LYPD1: variants seen among roughly 807,000 people sequenced by gnomAD.
LYPD1 encodes the protein LY6/PLAUR domain containing 1.
A neutral mutation model predicts 14.2 loss-of-function variants in LYPD1; 14 were observed. The ratio of observed to expected loss-of-function variants is 0.99; its 90% CI spans 0.65 to 1.54. The LOEUF (loss-of-function observed/expected upper bound fraction) is 1.54, where lower values mean the gene tolerates loss of function less well. LYPD1 is among the 40% of genes most tolerant of loss of function. LYPD1 has a pLI of 0.00. For synonymous variants in LYPD1, 85 were observed against 70.6 expected, an observed-to-expected ratio of 1.20 and a Z score of -1.02; for missense variants, 165 against 175.7, an observed-to-expected ratio of 0.94 and a Z score of 0.34.
rs1417100019 is a variant in LYPD1 at position 132,644,173 on chromosome 2, A to G, written c.*1872T>C. ...TGTTTGTGGTCTATGTAGCATCTTT[A>G]TCTCTGTCAGTCAGAATTGCAGAAC... On this transcript the variant is annotated 3_prime_UTR_variant, in exon 3 of 3. Coordinates refer to ENST00000397463, the MANE Select transcript of LYPD1 (RefSeq NM_144586.7). Among the ~76,000 whole-genome samples, 6 of 152,178 alleles carry G rather than the reference A, an allele frequency of 3.9e-5. No homozygotes were observed. Among genetic ancestry groups the G allele is most frequent in the Admixed American group, 3.9e-4 (6 of 15,278 alleles).
At position 132,645,427 on chromosome 2, in the gene LYPD1, G is replaced by A. The variant is rs762428876; in HGVS notation, c.*618C>T. The A allele has an allele frequency of 6.2e-6, 10 of 1,613,402 alleles. No individual in the cohort carries two copies. Among genetic ancestry groups the A allele is most frequent in the African/African-American group, 1.3e-5 (1 of 75,030 alleles). The stretch of plus-strand genomic sequence containing the variant: ...CTTTGTGCAGCGCCCGTTGCTCTTC[G>A]CGTCCCGGCGCCAGTCCTCTGCAAG... On this transcript the variant is annotated 3_prime_UTR_variant, in exon 3 of 3. Coordinates refer to ENST00000397463, the MANE Select transcript of LYPD1 (RefSeq NM_144586.7).
chr2:132,653,800 G>A (rs1682442351), intron 2 of LYPD1, among the ~76,000 whole-genome samples: 1 of 152,160 alleles, frequency 6.6e-6, no homozygotes, highest in African/African-American at 2.4e-5. Context: ...CACTGAGAAG[G>A]GTGCATCTCT....
intron 2 of LYPD1, chr2:132,667,054 C>T (rs906973461): frequency 1.3e-5 from 2 of 152,140 alleles, no homozygotes; most frequent in East Asian, 1.9e-4. Context: ...TCAGGTAAAA[C>T]GTAGGAAAGA....
Position 132,646,128 on chromosome 2 carries a change from C to G in LYPD1, c.343G>C (p.Gly115Arg), listed in dbSNP as rs749762463. The part of the protein sequence containing the change: ...LCNGPRPKKR[G>R]SSASALRPGL... ...GGCCTGAGGGCCGAGGCAGAACTTCCCCTTTTCTTGGGCCTTGGCCCGTTA... is the reference window on the plus strand; with the variant it reads ...GGCCTGAGGGCCGAGGCAGAACTTCGCCTTTTCTTGGGCCTTGGCCCGTTA... The change falls in exon 3 of 3, where the codon GGA becomes CGA. Residue 115 changes from glycine to arginine, a missense_variant. Transcript: ENST00000397463. The G allele has an allele frequency of 4.3e-6, 7 of 1,610,268 alleles. No individual in the cohort carries two copies. The highest frequency in any genetic ancestry group is 5.1e-6 in the Non-Finnish European group (6 of 1,178,006).
intron 2 of LYPD1, chr2:132,666,540 G>C (rs985052816): frequency 6.6e-6 from 1 of 152,170 alleles, no homozygotes; most frequent in Non-Finnish European, 1.5e-5. Flanking sequence ...GAGGGGCCTG[G>C]TTTGGAGACA....
chr2:132,649,493 T>A (rs13028563), intron 2 of LYPD1, among the ~76,000 whole-genome samples: 60,643 of 151,986 alleles, frequency 0.4, 14,065 homozygotes, highest in South Asian at 0.57. Context: ...GGAACGGAGG[T>A]GCAGGGACAA....
rs1224717806 is a variant in LYPD1 at position 132,644,512 on chromosome 2, T to C, written c.*1533A>G. Among the ~76,000 whole-genome samples, 20 of 152,278 alleles carry C rather than the reference T, an allele frequency of 1.3e-4. No individual in the cohort carries two copies. The highest frequency in any genetic ancestry group is 5.9e-5 in the Non-Finnish European group (4 of 68,050). On this transcript the variant is annotated 3_prime_UTR_variant, in exon 3 of 3. Coordinates refer to ENST00000397463, the MANE Select transcript of LYPD1 (RefSeq NM_144586.7). ...TGATTATAGGTGTGCATACCTAGTA[T>C]GTATATGTCCAAAAAACATTCTTGG...
At position 132,668,666 on chromosome 2, in the gene LYPD1, C is replaced by A. The variant is rs1242614549; in HGVS notation, c.53-129G>T. 7.6e-6 allele frequency: 10 copies of A among 1,318,974 alleles called. No individual in the cohort carries two copies. The African/African-American group carries it at 1.2e-4, about 16-fold the overall frequency. 81.7% of individuals were successfully genotyped at this position (1,318,974 alleles called of 1,614,324 possible). A position where few individuals can be genotyped will look rare whatever the true frequency, so the allele number is the denominator to read the frequency against. On this transcript the variant is annotated intron_variant, in intron 1 of 2. Transcript: ENST00000397463. ...CAGGCTTAGACCACTCCTGGGTCTC[C>A]GGGTAGGGCTGGATGTGGCTGACAC...
intron 2 of LYPD1, among the ~76,000 whole-genome samples, chr2:132,650,659 G>C (rs950802047): frequency 6.6e-6 from 1 of 150,730 alleles, no homozygotes; most frequent in Admixed American, 6.6e-5. Flanking sequence ...ACAAAGCAAA[G>C]TATGTCTGGA....
At chr2:132,646,599 C>G in intron 2 of LYPD1, 1 of 244,550 alleles carries the variant, frequency 4.1e-6, no homozygotes, top group Admixed American at 5.6e-5. Flanking sequence ...GTACAAGACA[C>G]AGCTTTTTAT....
At position 132,670,189 on chromosome 2, in the gene LYPD1, G is replaced by A; in HGVS notation, c.-257C>T. The A allele has an allele frequency of 7.9e-7, 1 of 1,262,908 alleles. No homozygotes were observed. The highest frequency in any genetic ancestry group is 1.0e-6 in the Non-Finnish European group (1 of 982,712). The allele number at this position is 1,262,908 out of a possible 1,614,324, so 78.2% of individuals were successfully genotyped here. A position where few individuals can be genotyped will look rare whatever the true frequency, so the allele number is the denominator to read the frequency against. ...GCCGAGCACCGCGCCTCCGGAGTTGGCGGCTGAGACTGAAGGAACTACTGG... is the reference window on the plus strand; with the variant it reads ...GCCGAGCACCGCGCCTCCGGAGTTGACGGCTGAGACTGAAGGAACTACTGG... On this transcript the variant is annotated 5_prime_UTR_variant, in exon 1 of 3. Coordinates refer to ENST00000397463, the MANE Select transcript of LYPD1 (RefSeq NM_144586.7). The surrounding 1 kb of genome is among the most constrained non-coding windows in gnomAD (Gnocchi z 4.5).
intron 2 of LYPD1, among the ~76,000 whole-genome samples, chr2:132,649,917 T>C (rs772987670): frequency 6.6e-6 from 1 of 152,068 alleles, no homozygotes; most frequent in Non-Finnish European, 1.5e-5. Flanking sequence ...GGCTATTCTA[T>C]GACATAACAC....
chr2:132,663,254 AAT>A (rs1311336044), intron 2 of LYPD1: 1 of 152,106 alleles, frequency 6.6e-6, no homozygotes, highest in African/African-American at 2.4e-5. Context: ...TTGATATCCA[AAT>A]ATGTTTTAAA....
intron 2 of LYPD1, among the ~76,000 whole-genome samples, chr2:132,654,260 G>T (rs1428849123): frequency 2.0e-5 from 3 of 152,030 alleles, no homozygotes; most frequent in Non-Finnish European, 2.9e-5. Context: ...TATCAGCTGG[G>T]CATGGTGGCG....
rs752561540 is a variant in LYPD1 at position 132,668,391 on chromosome 2, G to T, written c.190+9C>A. 1.4e-4 allele frequency: 232 copies of T among 1,600,700 alleles called. No homozygotes were observed. Among genetic ancestry groups the T allele is most frequent in the Non-Finnish European group, 1.9e-4 (225 of 1,173,340 alleles). ...TTAAGAGCGAGGGGGAGGGCTGCCAGGCTCTTACCGGCACTTTGCTCCATC... is the reference window on the plus strand; with the variant it reads ...TTAAGAGCGAGGGGGAGGGCTGCCATGCTCTTACCGGCACTTTGCTCCATC... On this transcript the variant is annotated intron_variant, in intron 2 of 2. Transcript: ENST00000397463.
Position 132,645,240 on chromosome 2 carries a change from T to C in LYPD1, c.*805A>G, listed in dbSNP as rs369559026. On this transcript the variant is annotated 3_prime_UTR_variant, in exon 3 of 3. Transcript: ENST00000397463. ...TCCTCCTCCCCTTCTCGGAGACGTTTTTCTACCTCAGCTCGGTCATCAACC... is the reference window on the plus strand; with the variant it reads ...TCCTCCTCCCCTTCTCGGAGACGTTCTTCTACCTCAGCTCGGTCATCAACC... 2 of 1,614,012 alleles carry C rather than the reference T, an allele frequency of 1.2e-6. No individual in the cohort carries two copies. Among genetic ancestry groups the C allele is most frequent in the African/African-American group, 2.7e-5 (2 of 74,912 alleles).
chr2:132,665,077 G>T (rs1489188223), intron 2 of LYPD1, among the ~76,000 whole-genome samples: 17 of 152,166 alleles, frequency 1.1e-4, no homozygotes, highest in Admixed American at 1.1e-3. Context: ...TTCCAGAAAT[G>T]ACCAAAGGGA....
In LYPD1 at chr2:132,645,293, A is replaced by G; in HGVS notation, c.*752T>C. ...CTCCTGTACACGGTGTCCTCGCAGC[A>G]GTTTCGGCGGGTGTTCGTGCAGGTG... On this transcript the variant is annotated 3_prime_UTR_variant, in exon 3 of 3. Coordinates refer to ENST00000397463, the MANE Select transcript of LYPD1 (RefSeq NM_144586.7). 1 of 1,614,174 alleles carries G rather than the reference A, an allele frequency of 6.2e-7. No individual in the cohort carries two copies. The highest frequency in any genetic ancestry group is 8.5e-7 in the Non-Finnish European group (1 of 1,180,026).
At position 132,646,150 on chromosome 2, in the gene LYPD1, G is replaced by A. The variant is rs997017984; in HGVS notation, c.321C>T (p.Asn107=). Residue 107 remains asparagine (N), a synonymous_variant, in exon 3 of 3, where the codon AAC becomes AAT. Coordinates refer to ENST00000397463, the MANE Select transcript of LYPD1 (RefSeq NM_144586.7). ...CISCCNTPLC[N]GPRPKKRGSS... ...TTCCCCTTTTCTTGGGCCTTGGCCC[G>A]TTACAAAGAGGGGTGTTGCAGCAGC... 5.6e-6 allele frequency: 9 copies of A among 1,611,794 alleles called. No individual in the cohort carries two copies. In the East Asian group the frequency reaches 6.7e-5, roughly 12 times the overall value.
Sources: allele counts gnomAD v4.1 joint callset (sites outside exome capture counted in the v4.1 genomes callset), GRCh38; gene constraint gnomAD v4.1.1; non-coding constraint Gnocchi (gnomAD v3.1); transcripts MANE v1.5; gene names NCBI Gene and HGNC (gene_info 2026-07-23, HGNC 2026-07-21).